The following FAM178B variants were observed in gnomAD, a reference collection of about 807,000 sequenced individuals.
FAM178B encodes protein FAM178B.
FAM178B carries 82 observed loss-of-function variants against 91.7 expected under a neutral mutation model. That is an observed-to-expected ratio of 0.89 (90% CI 0.75 to 1.07). The LOEUF is 1.07. Among genes scored for constraint, FAM178B ranks in the 50% least tolerant of loss-of-function variants. The pLI is 0.00. For synonymous variants in FAM178B, 368 were observed against 359.4 expected (o/e 1.02, Z -0.27); for missense variants, 769 against 846.7 (o/e 0.91, Z 1.14).
chr2:96,955,921 G>A (rs949157459), intron 6 of FAM178B, among the ~76,000 whole-genome samples: 3 of 152,200 alleles, frequency 2.0e-5, no homozygotes, highest in Admixed American at 1.3e-4. Flanking sequence ...CCGGGCCTCC[G>A]GGAGAAGCTG....
intron 9 of FAM178B, 45 bp from the exon 10 acceptor site, chr2:96,923,628 G>C: frequency 6.8e-7 from 1 of 1,466,996 alleles, no homozygotes; most frequent in Non-Finnish European, 9.3e-7. Flanking sequence ...CCAGGAGGGG[G>C]CACAGGGGCA....
rs59840238 is a variant in FAM178B at position 96,948,946 on chromosome 2, G to GC, written c.994-1045dup. Among the ~76,000 whole-genome samples, 1,049 of 151,890 alleles carry GC rather than the reference G, an allele frequency of 6.9e-3. 8 individuals are homozygous for GC. The highest frequency in any genetic ancestry group is 0.02 in the Middle Eastern group (6 of 294). ...CCTCACAGGTGTGGTTCCCAAGCAC[G>GC]CCCCCCCCAGTAAGCCTGCGTGGAT... On this transcript the variant is annotated intron_variant, in intron 7 of 16. Transcript: ENST00000490605.
At chr2:96,923,201 G>C (rs1358124536) in intron 10 of FAM178B, among the ~76,000 whole-genome samples, 3 of 151,930 alleles carry the variant, frequency 2.0e-5, no homozygotes, top group Admixed American at 6.6e-5. Flanking sequence ...TGGAACTCCT[G>C]ACCTCAAATG....
At chr2:96,956,093 G>A (rs1181117311) in intron 6 of FAM178B, among the ~76,000 whole-genome samples, 1 of 152,252 alleles carries the variant, frequency 6.6e-6, no homozygotes, top group Non-Finnish European at 1.5e-5. Context: ...AATACTGTGA[G>A]GGGCCTATGA....
chr2:96,984,971 G>C (rs534006513), intron 1 of FAM178B, among the ~76,000 whole-genome samples: 23 of 152,268 alleles, frequency 1.5e-4, no homozygotes, highest in African/African-American at 4.1e-4. Flanking sequence ...GTGCCACTAA[G>C]ACCGACAAAA....
At chr2:96,961,203 G>T (rs973119700) in intron 5 of FAM178B, among the ~76,000 whole-genome samples, 4 of 152,200 alleles carry the variant, frequency 2.6e-5, no homozygotes, top group Non-Finnish European at 5.9e-5. Flanking sequence ...AAATGAGGAT[G>T]GGGAAAAGGG....
At chr2:96,888,821 CGCAGTGGAGTTG>C (rs1189063986) in intron 14 of FAM178B, among the ~76,000 whole-genome samples, 2 of 152,220 alleles carry the variant, frequency 1.3e-5, no homozygotes. Context: ...TGAGCATGAA[CGCAGTGGAGTTG>C]GCACAGCTGG....
chr2:96,970,900 T>C (rs2082208822), intron 3 of FAM178B, 123 bp from the exon 4 acceptor site: 1 of 756,708 alleles, frequency 1.3e-6, no homozygotes, highest in African/African-American at 1.8e-5. Context: ...GATACTATGT[T>C]TACAGGATTA....
Position 96,876,081 on chromosome 2 carries a change from G to A in FAM178B, c.*195C>T. ...GCCCATCCCTTGCTGAGAGGAGAGG[G>A]GGTCGGGGCGGTGGCAGAGGCAGGC... On this transcript the variant is annotated 3_prime_UTR_variant, in exon 17 of 17. Transcript: ENST00000490605. 1.7e-6 allele frequency: 1 copy of A among 599,472 alleles called. No homozygotes were observed. Among genetic ancestry groups the A allele is most frequent in the Admixed American group, 3.0e-5 (1 of 33,472 alleles). The allele number at this position is 599,472 out of a possible 1,614,324, so 37.1% of individuals were successfully genotyped here.
chr2:96,938,008 TG>T (rs1334640457), intron 8 of FAM178B, among the ~76,000 whole-genome samples: 1 of 152,210 alleles, frequency 6.6e-6, no homozygotes, highest in East Asian at 1.9e-4. Flanking sequence ...CACTCCAGCC[TG>T]GGTGACAGAG....
chr2:96,898,312 G>A (rs968086247), intron 13 of FAM178B, among the ~76,000 whole-genome samples: 1 of 152,174 alleles, frequency 6.6e-6, no homozygotes, highest in East Asian at 1.9e-4. Flanking sequence ...CAAGGAGAGA[G>A]CTGGACAGGC....
chr2:96,921,088 G>C lies in FAM178B; in HGVS notation c.1562+77C>G, dbSNP rs2081329856. The stretch of plus-strand genomic sequence containing the variant: ...CAGGGGAGGTTTGTTGGGGCTGATG[G>C]GGAGGACTCTGGATCCCTACAAGAC... On this transcript the variant is annotated intron_variant, in intron 12 of 16. Coordinates refer to ENST00000490605, the MANE Select transcript of FAM178B (RefSeq NM_001122646.3). 14 of 1,232,210 alleles carry C rather than the reference G, an allele frequency of 1.1e-5. 1 individual carries two copies. The Admixed American group carries it at 2.2e-4, about 19-fold the overall frequency. The allele number at this position is 1,232,210 out of a possible 1,614,324, so 76.3% of individuals were successfully genotyped here.
rs113322658 is a variant in FAM178B at position 96,974,973 on chromosome 2, C to T, written c.74-2367G>A. On this transcript the variant is annotated intron_variant, in intron 1 of 16. Coordinates refer to ENST00000490605, the MANE Select transcript of FAM178B (RefSeq NM_001122646.3). ...GGGCTTGGTGGCATAAGCCTGTAAT[C>T]CCAGCTACTCGGGAGACTGAGGCAG... Among the ~76,000 whole-genome samples the T allele has an allele frequency of 3.3e-5, 5 of 151,886 alleles. 1 individual carries two copies. Among genetic ancestry groups the T allele is most frequent in the African/African-American group, 1.2e-4 (5 of 41,416 alleles).
At chr2:96,973,179 G>A (rs1459330319) in intron 1 of FAM178B, among the ~76,000 whole-genome samples, 1 of 149,200 alleles carries the variant, frequency 6.7e-6, no homozygotes, top group African/African-American at 2.5e-5. Context: ...CTGCATGCCA[G>A]CCTGGCAACA....
Position 96,985,292 on chromosome 2 carries a change from G to A in FAM178B, c.73+949C>T, listed in dbSNP as rs535850620. On this transcript the variant is annotated intron_variant, in intron 1 of 16. Coordinates refer to ENST00000490605, the MANE Select transcript of FAM178B (RefSeq NM_001122646.3). ...CATCTCACATTCTTTCCAGGTTCAGGACTGAAGTCGTCTTGTTCAGCTCCT... is the reference window on the plus strand; with the variant it reads ...CATCTCACATTCTTTCCAGGTTCAGAACTGAAGTCGTCTTGTTCAGCTCCT... 1.9e-3 allele frequency among the ~76,000 whole-genome samples: 282 copies of A among 152,248 alleles called. 5 individuals carry two copies. The highest frequency in any genetic ancestry group is 2.3e-3 in the Admixed American group (35 of 15,284).
intron 9 of FAM178B, among the ~76,000 whole-genome samples, chr2:96,928,945 T>C (rs1468898561): frequency 6.6e-6 from 1 of 151,188 alleles, no homozygotes; most frequent in Non-Finnish European, 1.5e-5. Context: ...AGCCTAAGAG[T>C]TCAAGACTAG....
intron 12 of FAM178B, among the ~76,000 whole-genome samples, chr2:96,915,626 C>T (rs982600523): frequency 6.6e-6 from 1 of 151,328 alleles, no homozygotes; most frequent in Non-Finnish European, 1.5e-5. Context: ...GACCAGCCTG[C>T]CCAACATGGA....
At chr2:96,986,135 G>C (rs1016540678) in intron 1 of FAM178B, 106 bp downstream of exon 1, 81 of 1,502,028 alleles carry the variant, frequency 5.4e-5, no homozygotes, top group African/African-American at 2.8e-5. Flanking sequence ...CGGCCGCACC[G>C]GGGCTGACCT....
intron 8 of FAM178B, among the ~76,000 whole-genome samples, chr2:96,942,493 C>T (rs536769898): frequency 3.9e-5 from 6 of 152,234 alleles, no homozygotes; most frequent in South Asian, 2.1e-4. Context: ...CCTAGGTTCA[C>T]GCCATTCTCC....
Sources: allele counts gnomAD v4.1 joint callset (sites outside exome capture counted in the v4.1 genomes callset), GRCh38; gene constraint gnomAD v4.1.1; transcripts MANE v1.5; gene names NCBI Gene and HGNC (gene_info 2026-07-23, HGNC 2026-07-21).